Variants in XKR9 observed in about 807,000 individuals in gnomAD.
XKR9 encodes the protein XK related 9.
A neutral mutation model predicts 32.0 loss-of-function variants in XKR9; 32 were observed. The observed-to-expected ratio is 1.00, with a 90% CI of 0.76 to 1.34. The LOEUF (loss-of-function observed/expected upper bound fraction) is 1.34, where lower values mean the gene tolerates loss of function less well. Among genes scored for constraint, XKR9 ranks in the 40% most tolerant of loss-of-function variants. The pLI, the probability that XKR9 is intolerant of heterozygous loss-of-function variation, is 0.00. For synonymous variants in XKR9, 168 were observed against 143.4 expected (o/e 1.17, Z -1.22); for missense variants, 546 against 429.7 (o/e 1.27, Z -2.39).
At chr8:70,678,035 A>T (rs927739864) in intron 2 of XKR9, 2 of 152,204 alleles carry the variant, frequency 1.3e-5, no homozygotes, top group Non-Finnish European at 2.9e-5. Flanking sequence ...TGAAGGATTC[A>T]AAATCTAGTG....
At chr8:70,906,157 G>A in the XKR9 span, among the ~76,000 whole-genome samples, 56 of 152,348 alleles carry the variant, frequency 3.7e-4, no homozygotes, top group East Asian at 2.3e-3. Context: ...CTTCAAAGCT[G>A]TCAGACAGGG....
chr8:70,819,086 G>A, the XKR9 span, among the ~76,000 whole-genome samples: 1 of 152,208 alleles, frequency 6.6e-6, no homozygotes, highest in African/African-American at 2.4e-5. Flanking sequence ...CCAGGAAGCT[G>A]CAAAGAAAGA....
chr8:70,741,557 T>G (rs1218567514), intron 2 of XKR9, among the ~76,000 whole-genome samples: 3 of 152,252 alleles, frequency 2.0e-5, no homozygotes, highest in Non-Finnish European at 4.4e-5. Context: ...TATTTTAGCA[T>G]GTGACAAGAT....
chr8:70,829,244 T>C, the XKR9 span, among the ~76,000 whole-genome samples: 19 of 152,186 alleles, frequency 1.2e-4, no homozygotes, highest in Non-Finnish European at 2.6e-4. Flanking sequence ...ATAAGAAAAA[T>C]AACAGGACTT....
intron 3 of XKR9, among the ~76,000 whole-genome samples, chr8:70,702,721 G>T (rs939195319): frequency 7.2e-5 from 11 of 152,062 alleles, no homozygotes; most frequent in Non-Finnish European, 1.2e-4. Flanking sequence ...AGTCTGTTTT[G>T]TCTGGGATAG....
At chr8:70,954,218 C>T in the XKR9 span, among the ~76,000 whole-genome samples, 1 of 152,126 alleles carries the variant, frequency 6.6e-6, no homozygotes, top group Admixed American at 6.5e-5. Flanking sequence ...TTTGGACAAC[C>T]CAGAGCCCTT....
chr8:71,051,218 C>G, the XKR9 span, among the ~76,000 whole-genome samples: 2 of 152,126 alleles, frequency 1.3e-5, no homozygotes, highest in Admixed American at 6.5e-5. Flanking sequence ...CTCCCATATA[C>G]CATAGCCCAT....
chr8:70,888,040 G>C, the XKR9 span, among the ~76,000 whole-genome samples: 1 of 152,014 alleles, frequency 6.6e-6, no homozygotes, highest in Non-Finnish European at 1.5e-5. Flanking sequence ...TGCCCATTCA[G>C]TATGATATTG....
intron 1 of XKR9, among the ~76,000 whole-genome samples, chr8:70,674,233 G>A (rs1362406087): frequency 6.6e-6 from 1 of 152,182 alleles, no homozygotes; most frequent in Non-Finnish European, 1.5e-5. Context: ...GAGATTGCAA[G>A]GAGAAAGGGG....
chr8:70,851,419 T>G, the XKR9 span, among the ~76,000 whole-genome samples: 1 of 152,096 alleles, frequency 6.6e-6, no homozygotes, highest in Non-Finnish European at 1.5e-5. Flanking sequence ...CTTCACAGAA[T>G]TAGAAAAAAC....
the XKR9 span, among the ~76,000 whole-genome samples, chr8:70,976,576 C>G: frequency 6.6e-6 from 1 of 152,174 alleles, no homozygotes; most frequent in African/African-American, 2.4e-5. Context: ...CCCACTTGAT[C>G]TTGGTGCATA....
chr8:71,004,252 G>A, the XKR9 span, among the ~76,000 whole-genome samples: 31 of 152,300 alleles, frequency 2.0e-4, no homozygotes, highest in Non-Finnish European at 4.3e-4. Flanking sequence ...CTCTAAGAGG[G>A]CTGGGAATGA....
intron 2 of XKR9, among the ~76,000 whole-genome samples, chr8:70,749,543 G>C (rs78004568): frequency 2.4e-4 from 36 of 152,384 alleles, no homozygotes; most frequent in African/African-American, 8.4e-4. Flanking sequence ...ATCTGTGCCA[G>C]TGCCTGGAGC....
the XKR9 span, among the ~76,000 whole-genome samples, chr8:71,027,930 C>A: frequency 6.6e-6 from 1 of 151,926 alleles, no homozygotes. Context: ...GCACCTTGCA[C>A]AGCTAATTAA....
the XKR9 span, among the ~76,000 whole-genome samples, chr8:70,894,414 C>G: frequency 9.2e-5 from 14 of 152,222 alleles, no homozygotes; most frequent in South Asian, 2.7e-3. Context: ...AGAGTTCTTA[C>G]GCCTGTAGGG....
the XKR9 span, among the ~76,000 whole-genome samples, chr8:70,905,236 C>T: frequency 6.6e-6 from 1 of 152,220 alleles, no homozygotes; most frequent in African/African-American, 2.4e-5. Context: ...GTTCCATTCT[C>T]TCTGTCAATT....
chr8:70,873,132 A>G, the XKR9 span, among the ~76,000 whole-genome samples: 47 of 152,196 alleles, frequency 3.1e-4, no homozygotes, highest in Non-Finnish European at 6.2e-4. Flanking sequence ...GCCCACTGTT[A>G]AGACCTACTG....
At chr8:71,029,658 T>G in the XKR9 span, among the ~76,000 whole-genome samples, 3 of 152,146 alleles carry the variant, frequency 2.0e-5, no homozygotes, top group Non-Finnish European at 2.9e-5. Context: ...TAAATGAATA[T>G]GTGACTAAAA....
At chr8:70,880,247 C>T in the XKR9 span, among the ~76,000 whole-genome samples, 2 of 152,058 alleles carry the variant, frequency 1.3e-5, no homozygotes, top group Non-Finnish European at 2.9e-5. Flanking sequence ...CACTCCTATT[C>T]AATATAGTGT....
Sources: allele counts gnomAD v4.1 joint callset (sites outside exome capture counted in the v4.1 genomes callset), GRCh38; gene constraint gnomAD v4.1.1; transcripts MANE v1.5; gene names NCBI Gene and HGNC (gene_info 2026-07-23, HGNC 2026-07-21).